The following PKIB variants were observed in gnomAD, a reference collection of about 807,000 sequenced individuals.
PKIB encodes cAMP-dependent protein kinase inhibitor beta.
A neutral mutation model predicts 4.5 loss-of-function variants in PKIB; 2 were observed. The ratio of observed to expected loss-of-function variants is 0.44; its 90% CI spans 0.18 to 1.39. The LOEUF is 1.39. Ranked by LOEUF, PKIB falls within the 40% of genes most tolerant of loss-of-function variation. The pLI is 0.27. For missense variants in PKIB, 94 were observed against 92.6 expected (o/e 1.02, Z -0.06); for synonymous variants, 38 against 36.0 (o/e 1.06, Z -0.20).
At chr6:122,699,614 G>A (rs9401573) in intron 3 of PKIB, among the ~76,000 whole-genome samples, 101,105 of 151,960 alleles carry the variant, frequency 0.67, 35,202 homozygotes, top group Non-Finnish European at 0.79. Flanking sequence ...TAGCTGTCAT[G>A]TAACAAATTT....
chr6:122,575,138 G>A (rs765950933), intron 2 of PKIB, among the ~76,000 whole-genome samples: 6 of 151,900 alleles, frequency 3.9e-5, no homozygotes, highest in Non-Finnish European at 7.4e-5. Flanking sequence ...GCCAACAAAC[G>A]TATGAAAAAA....
intron 2 of PKIB, among the ~76,000 whole-genome samples, chr6:122,535,333 T>C (rs772805264): frequency 1.3e-5 from 2 of 152,194 alleles, no homozygotes; most frequent in Non-Finnish European, 2.9e-5. Flanking sequence ...GCTCTCTTTT[T>C]CTTTCTTCCC....
At chr6:122,551,634 A>G (rs918152770) in intron 2 of PKIB, among the ~76,000 whole-genome samples, 3 of 152,106 alleles carry the variant, frequency 2.0e-5, no homozygotes, top group Non-Finnish European at 4.4e-5. Flanking sequence ...CAAAAAAGTC[A>G]TCAACATTGA....
chr6:122,554,928 A>C (rs1772793069), intron 2 of PKIB, among the ~76,000 whole-genome samples: 2 of 152,218 alleles, frequency 1.3e-5, no homozygotes, highest in African/African-American at 4.8e-5. Flanking sequence ...ATTTTCAATA[A>C]AACCAACAGC....
chr6:122,537,688 A>G (rs577902047), intron 2 of PKIB, among the ~76,000 whole-genome samples: 8 of 152,294 alleles, frequency 5.3e-5, no homozygotes, highest in Non-Finnish European at 8.8e-5. Context: ...CTTTGGGTAT[A>G]TACCCGTAAG....
intron 3 of PKIB, among the ~76,000 whole-genome samples, chr6:122,680,484 A>G (rs997896654): frequency 6.6e-6 from 1 of 152,162 alleles, no homozygotes; most frequent in African/African-American, 2.4e-5. Flanking sequence ...TTTTAGACAG[A>G]AAGGGAGAGG....
intron 1 of PKIB, among the ~76,000 whole-genome samples, chr6:122,619,423 CT>C (rs34255330): frequency 5.2e-4 from 76 of 147,388 alleles, no homozygotes; most frequent in East Asian, 1.4e-3. Context: ...AATGGCTAGC[CT>C]TTTTTTTTTA....
intron 3 of PKIB, among the ~76,000 whole-genome samples, chr6:122,685,723 G>A (rs1359921855): frequency 6.6e-6 from 1 of 152,030 alleles, no homozygotes; most frequent in African/African-American, 2.4e-5. Flanking sequence ...TCATCCTGTT[G>A]TGCTATCAAA....
intron 1 of PKIB, among the ~76,000 whole-genome samples, chr6:122,627,861 AAAG>A (rs1470945336): frequency 1.3e-5 from 2 of 152,228 alleles, no homozygotes; most frequent in East Asian, 1.9e-4. Context: ...TCTGATTAGA[AAAG>A]AACATGATTT....
chr6:122,483,386 A>G (rs1205303437), intron 2 of PKIB: 2 of 152,340 alleles, frequency 1.3e-5, no homozygotes, highest in East Asian at 3.9e-4. Flanking sequence ...AATTTTTACA[A>G]TTATCTGCCA....
chr6:122,669,565 C>CAT (rs1374990341), intron 2 of PKIB, among the ~76,000 whole-genome samples: 1 of 151,966 alleles, frequency 6.6e-6, no homozygotes, highest in African/African-American at 2.4e-5. Context: ...GTCTTAGATT[C>CAT]TATTAATTTT....
chr6:122,718,768 G>C (rs1779607994), intron 4 of PKIB, among the ~76,000 whole-genome samples: 2 of 152,052 alleles, frequency 1.3e-5, no homozygotes, highest in Non-Finnish European at 2.9e-5. Context: ...GAAGGCTCTT[G>C]GTTCTTTGCT....
chr6:122,608,947 G>T (rs1774636473), upstream of PKIB, among the ~76,000 whole-genome samples: 1 of 151,720 alleles, frequency 6.6e-6, no homozygotes, highest in Admixed American at 6.6e-5. Flanking sequence ...AGAATAATTT[G>T]CCCTAGATAA....
intron 2 of PKIB, among the ~76,000 whole-genome samples, chr6:122,517,806 T>C (rs1776809431): frequency 6.6e-6 from 1 of 152,234 alleles, no homozygotes; most frequent in African/African-American, 2.4e-5. Context: ...TGTCAAATCC[T>C]AGAAAACATA....
At chr6:122,626,235 CT>C (rs1461769223) in intron 1 of PKIB, among the ~76,000 whole-genome samples, 1 of 152,078 alleles carries the variant, frequency 6.6e-6, no homozygotes, top group Non-Finnish European at 1.5e-5. Context: ...TAAATTCATC[CT>C]TTTTGAACTT....
chr6:122,560,569 G>T (rs1355803276), intron 2 of PKIB, among the ~76,000 whole-genome samples: 1 of 151,936 alleles, frequency 6.6e-6, no homozygotes, highest in Non-Finnish European at 1.5e-5. Flanking sequence ...AATTAGGGAG[G>T]GTTCCTTCTT....
chr6:122,610,275 G>T (rs2288661), upstream of PKIB: 29,637 of 152,254 alleles, frequency 0.19, 3,642 homozygotes, highest in Non-Finnish European at 0.28. Flanking sequence ...TGATGCGGTG[G>T]CCCGGTTTGC....
chr6:122,705,765 C>T (rs1035747374), intron 3 of PKIB, among the ~76,000 whole-genome samples: 1 of 151,976 alleles, frequency 6.6e-6, no homozygotes, highest in Non-Finnish European at 1.5e-5. Flanking sequence ...TGGGGTTTCA[C>T]CATGTTGGCC....
intron 1 of PKIB, among the ~76,000 whole-genome samples, chr6:122,475,057 G>A (rs952593617): frequency 1.3e-5 from 2 of 152,102 alleles, no homozygotes; most frequent in African/African-American, 2.4e-5. Flanking sequence ...GTTTTGAGAC[G>A]TAGGCTTGCT....
Sources: allele counts gnomAD v4.1 joint callset (sites outside exome capture counted in the v4.1 genomes callset), GRCh38; gene constraint gnomAD v4.1.1; transcripts MANE v1.5; gene names NCBI Gene and HGNC (gene_info 2026-07-23, HGNC 2026-07-21).